The following SLC4A10 variants were observed in gnomAD, a reference collection of about 807,000 sequenced individuals.
SLC4A10 encodes the protein sodium-driven chloride bicarbonate exchanger.
SLC4A10 carries 42 observed loss-of-function variants against 137.7 expected under a neutral mutation model. The observed-to-expected ratio is 0.30, with a 90% CI of 0.24 to 0.39. The LOEUF is 0.39. Ranked by LOEUF, SLC4A10 falls within the 10% of genes least tolerant of loss-of-function variation. The probability of loss-of-function intolerance (pLI) is 1.00; values close to 1 mark genes in which losing one functional copy is unlikely to be tolerated. For synonymous variants in SLC4A10, 474 were observed against 464.1 expected (o/e 1.02, Z -0.27); for missense variants, 925 against 1,355.0 (o/e 0.68, Z 4.98).
chr2:161,654,365 T>G (rs143333279), intron 1 of SLC4A10, among the ~76,000 whole-genome samples: 87 of 152,336 alleles, frequency 5.7e-4, no homozygotes, highest in African/African-American at 1.9e-3. Flanking sequence ...CACTCTTTGC[T>G]GGGCAGAATA....
Position 161,928,495 on chromosome 2 carries a change from A to G in SLC4A10, c.1998-14297A>G, listed in dbSNP as rs569599227. 4.2e-4 allele frequency among the ~76,000 whole-genome samples: 63 copies of G among 151,720 alleles called. No homozygotes were observed. The South Asian group carries it at 5.6e-3, about 14-fold the overall frequency. On this transcript the variant is annotated intron_variant, in intron 15 of 26. Transcript: ENST00000446997. ...TATGTAACTAACCTGCACATTGTGT[A>G]CATGTACCCTAAAACTTAAAGTATA...
intron 3 of SLC4A10, among the ~76,000 whole-genome samples, chr2:161,818,749 T>C (rs190350468): frequency 6.6e-6 from 1 of 152,336 alleles, no homozygotes; most frequent in East Asian, 1.9e-4. Flanking sequence ...GTGGTTTTTG[T>C]CTTTGGTTCT....
intron 1 of SLC4A10, among the ~76,000 whole-genome samples, chr2:161,648,262 G>A (rs1292745027): frequency 6.6e-6 from 1 of 151,902 alleles, no homozygotes; most frequent in Non-Finnish European, 1.5e-5. Flanking sequence ...CTTACCTGAG[G>A]CTGCAACTAT....
intron 23 of SLC4A10, 98 bp from the exon 24 acceptor site, chr2:161,974,151 G>C (rs1699002679): frequency 1.0e-6 from 1 of 997,092 alleles, no homozygotes; most frequent in Admixed American, 2.7e-5. Flanking sequence ...AAGGTCTTGA[G>C]GTTAATGAGA....
chr2:161,680,140 G>A (rs1574304100), intron 1 of SLC4A10, among the ~76,000 whole-genome samples: 2 of 152,142 alleles, frequency 1.3e-5, no homozygotes, highest in East Asian at 3.9e-4. Flanking sequence ...TCTATGTCTG[G>A]TTTAAATGCT....
chr2:161,793,825 C>A (rs1186053999), intron 2 of SLC4A10, among the ~76,000 whole-genome samples: 1 of 151,864 alleles, frequency 6.6e-6, no homozygotes. Flanking sequence ...AATATGGCAG[C>A]CTTATTAGCA....
intron 21 of SLC4A10, among the ~76,000 whole-genome samples, chr2:161,959,057 A>T (rs1372746321): frequency 1.3e-5 from 2 of 152,182 alleles, no homozygotes; most frequent in African/African-American, 4.8e-5. Context: ...TAACATGGCA[A>T]AAATGCTTAC....
At chr2:161,678,777 T>C (rs2040536099) in intron 1 of SLC4A10, among the ~76,000 whole-genome samples, 3 of 152,192 alleles carry the variant, frequency 2.0e-5, no homozygotes, top group Non-Finnish European at 4.4e-5. Flanking sequence ...TACTCATCCA[T>C]GTTCTTGCAT....
At chr2:161,644,786 T>C (rs1377396824) in intron 1 of SLC4A10, among the ~76,000 whole-genome samples, 1 of 152,212 alleles carries the variant, frequency 6.6e-6, no homozygotes, top group African/African-American at 2.4e-5. Context: ...TTCATAAGCT[T>C]CTGTTTTAAG....
chr2:161,892,414 T>C (rs2063014781), intron 10 of SLC4A10, among the ~76,000 whole-genome samples: 3 of 151,994 alleles, frequency 2.0e-5, no homozygotes, highest in Admixed American at 2.0e-4. Context: ...ATATTTTTAA[T>C]ATTAAAAAAA....
chr2:161,981,894 G>A (rs1700267642), intron 26 of SLC4A10, among the ~76,000 whole-genome samples: 1 of 152,180 alleles, frequency 6.6e-6, no homozygotes, highest in South Asian at 2.1e-4. Flanking sequence ...TGCCACAGAT[G>A]GCAGAAGCTC....
chr2:161,799,987 G>A (rs1000451419), intron 2 of SLC4A10, among the ~76,000 whole-genome samples: 2 of 151,932 alleles, frequency 1.3e-5, no homozygotes, highest in Admixed American at 6.6e-5. Context: ...TATACAATAA[G>A]CAAATCTTTA....
intron 11 of SLC4A10, among the ~76,000 whole-genome samples, chr2:161,895,144 A>G (rs1424583847): frequency 7.1e-6 from 1 of 141,620 alleles, no homozygotes; most frequent in Non-Finnish European, 1.5e-5. Context: ...ATTCCTATCT[A>G]TGAGTGAGAA....
chr2:161,735,167 T>A (rs957206994), intron 1 of SLC4A10, among the ~76,000 whole-genome samples: 2 of 148,678 alleles, frequency 1.3e-5, no homozygotes, highest in African/African-American at 2.4e-5. Flanking sequence ...ATAATATACA[T>A]ATATTAATTA....
chr2:161,710,645 A>T (rs958349597), intron 1 of SLC4A10: 4 of 451,728 alleles, frequency 8.9e-6, no homozygotes, highest in African/African-American at 8.0e-5. Context: ...GAATGATAAA[A>T]CTGATTGTAA....
Position 161,855,076 on chromosome 2 carries a change from C to T in SLC4A10, c.523C>T (p.Leu175=). 6.2e-7 allele frequency: 1 copy of T among 1,613,162 alleles called. No homozygotes were observed. The highest frequency in any genetic ancestry group is 8.5e-7 in the Non-Finnish European group (1 of 1,179,438). The change falls in exon 5 of 27, where the codon CTG becomes TTG. Residue 175 remains leucine, a synonymous_variant. Coordinates refer to ENST00000446997, the MANE Select transcript of SLC4A10 (RefSeq NM_001178015.2). The part of the protein sequence containing the change: ...HSLFELRSCI[L]NGTVLLDMHA... ...CTTGTTTGAATTGAGAAGTTGTATT[C>T]TGAATGGAACTGTGTTGCTGGACAT... is the stretch of plus-strand genomic sequence containing the variant.
chr2:161,942,592 G>C (rs560241426), intron 15 of SLC4A10, among the ~76,000 whole-genome samples, 200 bp from the exon 16 acceptor site: 2 of 152,208 alleles, frequency 1.3e-5, no homozygotes, highest in African/African-American at 4.8e-5. Context: ...AAACACTGTA[G>C]AGTAGTCTAG....
intron 15 of SLC4A10, among the ~76,000 whole-genome samples, chr2:161,933,015 C>G (rs1210698178): frequency 1.3e-5 from 2 of 152,106 alleles, no homozygotes; most frequent in Non-Finnish European, 2.9e-5. Context: ...AACATAATGT[C>G]CTTGAAATTC....
intron 6 of SLC4A10, among the ~76,000 whole-genome samples, chr2:161,863,968 G>A (rs2060584498): frequency 1.3e-5 from 2 of 152,102 alleles, no homozygotes; most frequent in South Asian, 2.1e-4. Context: ...TTGGGAGGCC[G>A]AGGCGGGCGG....
Sources: gnomAD v4.1 joint callset for allele counts (sites outside exome capture counted in the v4.1 genomes callset) on GRCh38, gnomAD v4.1.1 for gene constraint, MANE v1.5 for transcripts, NCBI Gene and HGNC (gene_info 2026-07-23, HGNC 2026-07-21) for gene names.